The following UBL4B variants were observed in gnomAD, a reference collection of about 807,000 sequenced individuals.
The protein encoded by UBL4B is ubiquitin like 4B, also known as ubiquitin-like protein 4B.
For synonymous variants in UBL4B, 94 were observed against 92.8 expected (o/e 1.01, Z -0.08); for missense variants, 194 against 209.9 (o/e 0.92, Z 0.47).
In UBL4B at chr1:110,112,538, TTCC is replaced by T. The variant is rs753688331; in HGVS notation, c.7_9del (p.Leu3del). On this transcript the variant is annotated inframe_deletion, in exon 1 of 1. Transcript: ENST00000334179. ...CCTCCTGATTCCACTCAGCCCGATGTTCCTCACAGTCAAGCTGCTCCTGGGCCA... is the reference window on the plus strand; with the variant it reads ...CCTCCTGATTCCACTCAGCCCGATGTTCACAGTCAAGCTGCTCCTGGGCCA... 1.5e-5 allele frequency: 24 copies of T among 1,605,678 alleles called. No homozygotes were observed. The African/African-American group carries it at 2.5e-4, about 17-fold the overall frequency.
rs1180743198 is a variant in UBL4B at position 110,112,911 on chromosome 1, GCCTGGAGCA to G, written c.387_395del (p.His129_Glu131del). 2.5e-6 allele frequency: 4 copies of G among 1,612,198 alleles called. No individual in the cohort carries two copies. Among genetic ancestry groups the G allele is most frequent in the Non-Finnish European group, 2.5e-6 (3 of 1,179,516 alleles). On this transcript the variant is annotated inframe_deletion, in exon 1 of 1. Transcript: ENST00000334179. ...CACGAGGAGCGCCTGCAGAAGATAA[GCCTGGAGCA>G]CCTGGAGCAGCTGGCCCAGTACCTC...
At position 110,113,606 on chromosome 1, in the gene UBL4B, A is replaced by G. The variant is rs1654849354; in HGVS notation, c.*547A>G. 1 of 168,908 alleles carries G rather than the reference A, an allele frequency of 5.9e-6. No individual in the cohort carries two copies. Among genetic ancestry groups the G allele is most frequent in the African/African-American group, 2.4e-5 (1 of 41,468 alleles). 10.5% of individuals were successfully genotyped at this position (168,908 alleles called of 1,614,324 possible). On this transcript the variant is annotated 3_prime_UTR_variant, in exon 1 of 1. Transcript: ENST00000334179. ...TTCCAGCTTAAGGGACAGGCACAGCAGAGGTGAGAGTGGGAGGAGGGCACG... is the reference window on the plus strand; with the variant it reads ...TTCCAGCTTAAGGGACAGGCACAGCGGAGGTGAGAGTGGGAGGAGGGCACG...
At position 110,113,547 on chromosome 1, in the gene UBL4B, G is replaced by T. The variant is rs1411042429; in HGVS notation, c.*488G>T. 2 of 171,430 alleles carry T rather than the reference G, an allele frequency of 1.2e-5. No homozygotes were observed. Among genetic ancestry groups the T allele is most frequent in the East Asian group, 3.8e-4 (2 of 5,264 alleles). The allele number at this position is 171,430 out of a possible 1,614,324, so 10.6% of individuals were successfully genotyped here. On this transcript the variant is annotated 3_prime_UTR_variant, in exon 1 of 1. Transcript: ENST00000334179. ...TCAGGTAGCTGCCCCTTGCCTTCTG[G>T]GTGAGGCTGCCCCTGCTGTTCTCCT... is the stretch of plus-strand genomic sequence containing the variant.
chr1:110,112,507 T>C lies in UBL4B; in HGVS notation c.-28T>C. Reference sequence around the variant, plus strand: ...AATCTTCAGGGCAGCTCCCAGAGCATGGATCCCTCCTGATTCCACTCAGCC... The same window carrying C: ...AATCTTCAGGGCAGCTCCCAGAGCACGGATCCCTCCTGATTCCACTCAGCC... On this transcript the variant is annotated 5_prime_UTR_variant, in exon 1 of 1. It removes an upstream start codon present in the reference 5' UTR. Transcript: ENST00000334179. 3.8e-6 allele frequency: 6 copies of C among 1,576,422 alleles called. No individual in the cohort carries two copies. The highest frequency in any genetic ancestry group is 5.2e-6 in the Non-Finnish European group (6 of 1,160,674).
At position 110,113,065 on chromosome 1, in the gene UBL4B, C is replaced by A; in HGVS notation, c.*6C>A. On this transcript the variant is annotated 3_prime_UTR_variant, in exon 1 of 1. Coordinates refer to ENST00000334179, the MANE Select transcript of UBL4B (RefSeq NM_203412.2). ...AGGCAGCAGCTGATCAGTAAACGGG[C>A]CATCCTACCCATTTGCATGCTAAAA... 6.5e-7 allele frequency: 1 copy of A among 1,542,736 alleles called. No individual in the cohort carries two copies.
chr1:110,113,146 T>TAG lies in UBL4B; in HGVS notation c.*87_*88insAG. On this transcript the variant is annotated 3_prime_UTR_variant, in exon 1 of 1. Coordinates refer to ENST00000334179, the MANE Select transcript of UBL4B (RefSeq NM_203412.2). ...GGTGACTTTTCCTACTACTTCCTGC[T>TAG]GATGTGGATGCGTCCACACCCCTTT... 1 of 1,460,000 alleles carries TAG rather than the reference T, an allele frequency of 6.8e-7. No individual in the cohort carries two copies. Among genetic ancestry groups the TAG allele is most frequent in the East Asian group, 2.4e-5 (1 of 41,004 alleles). The allele number at this position is 1,460,000 out of a possible 1,614,324, so 90.4% of individuals were successfully genotyped here. A position where few individuals can be genotyped will look rare whatever the true frequency, so the allele number is the denominator to read the frequency against.
rs766531937 is a variant in UBL4B at position 110,113,074 on chromosome 1, C to A, written c.*15C>A. On this transcript the variant is annotated 3_prime_UTR_variant, in exon 1 of 1. Transcript: ENST00000334179. ...CTGATCAGTAAACGGGCCATCCTACCCATTTGCATGCTAAAATTCTCCCGG... is the reference window on the plus strand; with the variant it reads ...CTGATCAGTAAACGGGCCATCCTACACATTTGCATGCTAAAATTCTCCCGG... The A allele has an allele frequency of 1.3e-6, 2 of 1,535,120 alleles. No individual in the cohort carries two copies. Among genetic ancestry groups the A allele is most frequent in the East Asian group, 2.3e-5 (1 of 44,244 alleles).
In UBL4B at chr1:110,113,098, G is replaced by A. The variant is rs188311391; in HGVS notation, c.*39G>A. 2.3e-3 allele frequency: 3,500 copies of A among 1,517,942 alleles called. 14 individuals carry two copies. Among genetic ancestry groups the A allele is most frequent in the Middle Eastern group, 5.9e-3 (33 of 5,600 alleles). 94.0% of individuals were successfully genotyped at this position (1,517,942 alleles called of 1,614,324 possible). On this transcript the variant is annotated 3_prime_UTR_variant, in exon 1 of 1. Transcript: ENST00000334179. Reference sequence around the variant, plus strand: ...CCCATTTGCATGCTAAAATTCTCCCGGCCTCATCCTTACGTGTTCCCTGGT... The same window carrying A: ...CCCATTTGCATGCTAAAATTCTCCCAGCCTCATCCTTACGTGTTCCCTGGT...
At position 110,113,255 on chromosome 1, in the gene UBL4B, C is replaced by A; in HGVS notation, c.*196C>A. 1 of 753,832 alleles carries A rather than the reference C, an allele frequency of 1.3e-6. No individual in the cohort carries two copies. Among genetic ancestry groups the A allele is most frequent in the Non-Finnish European group, 2.1e-6 (1 of 475,832 alleles). The allele number at this position is 753,832 out of a possible 1,614,324, so 46.7% of individuals were successfully genotyped here. A position where few individuals can be genotyped will look rare whatever the true frequency, so the allele number is the denominator to read the frequency against. On this transcript the variant is annotated 3_prime_UTR_variant, in exon 1 of 1. Coordinates refer to ENST00000334179, the MANE Select transcript of UBL4B (RefSeq NM_203412.2). The stretch of plus-strand genomic sequence containing the variant: ...TCCTCCCTCTGAAATGCAGAGTGAA[C>A]CAACCCTCATCACCATGCTTCCCCT...
chr1:110,113,036 G>A lies in UBL4B; in HGVS notation c.502G>A (p.Glu168Lys). The A allele has an allele frequency of 6.3e-7, 1 of 1,587,212 alleles. No individual in the cohort carries two copies. Among genetic ancestry groups the A allele is most frequent in the Non-Finnish European group, 8.6e-7 (1 of 1,169,160 alleles). Residue 168 changes from glutamate (E) to lysine (K), a missense_variant, in exon 1 of 1, where the codon GAG becomes AAG. Physicochemically the swap from Glu to Lys is moderately conservative, Grantham distance 56. Coordinates refer to ENST00000334179, the MANE Select transcript of UBL4B (RefSeq NM_203412.2). ...PQSSCDMEEK[E>K]EAAADQ ...GAGCTCCTGTGACATGGAGGAGAAGGAGGAGGCAGCAGCTGATCAGTAAAC... is the reference window on the plus strand; with the variant it reads ...GAGCTCCTGTGACATGGAGGAGAAGAAGGAGGCAGCAGCTGATCAGTAAAC...
rs759511338 is a variant in UBL4B, at chr1:110,112,716, T to C, written c.182T>C (p.Ile61Thr). Residue 61 changes from isoleucine (I) to threonine (T), a missense_variant, in exon 1 of 1, where the codon ATT becomes ACT. Ile to Thr is a moderately conservative substitution (Grantham distance 89). Transcript: ENST00000334179. ...GACAAGCACCTCTCTGACTACTGCATTGGGCCCAATGCCTCTATCAATGTC... is the reference window on the plus strand; with the variant it reads ...GACAAGCACCTCTCTGACTACTGCACTGGGCCCAATGCCTCTATCAATGTC... ...EDDKHLSDYC[I>T]GPNASINVIM... 3.1e-6 allele frequency: 5 copies of C among 1,614,094 alleles called. No homozygotes were observed. Among genetic ancestry groups the C allele is most frequent in the South Asian group, 1.1e-5 (1 of 91,078 alleles).
In UBL4B at chr1:110,112,739, G is replaced by A; in HGVS notation, c.205G>A (p.Val69Ile). Reference protein sequence around the residue: ...YCIGPNASINVIMQPLEKMAL... With the variant: ...YCIGPNASINIIMQPLEKMAL... ...CATTGGGCCCAATGCCTCTATCAAT[G>A]TCATCATGCAGCCCTTGGAGAAGAT... is the stretch of plus-strand genomic sequence containing the variant. Residue 69 changes from valine (V) to isoleucine (I), a missense_variant, in exon 1 of 1, where the codon GTC becomes ATC. Val to Ile is a conservative substitution (Grantham distance 29). Transcript: ENST00000334179. The A allele has an allele frequency of 1.9e-6, 3 of 1,614,066 alleles. No individual in the cohort carries two copies. The highest frequency in any genetic ancestry group is 2.5e-6 in the Non-Finnish European group (3 of 1,180,044).
Position 110,112,678 on chromosome 1 carries a change from G to A in UBL4B, c.144G>A (p.Gln48=), listed in dbSNP as rs1654822737. 1 of 1,614,040 alleles carries A rather than the reference G, an allele frequency of 6.2e-7. No homozygotes were observed. The highest frequency in any genetic ancestry group is 1.1e-5 in the South Asian group (1 of 91,088). The change falls in exon 1 of 1, where the codon CAG becomes CAA. Residue 48 remains glutamine, a synonymous_variant. Coordinates refer to ENST00000334179, the MANE Select transcript of UBL4B (RefSeq NM_203412.2). Reference sequence around the variant, plus strand: ...AGCAGCACCTGCTTTTCCGTGGCCAGCTCCTGGAGGATGACAAGCACCTCT... The same window carrying A: ...AGCAGCACCTGCTTTTCCGTGGCCAACTCCTGGAGGATGACAAGCACCTCT... ...EEQQHLLFRG[Q]LLEDDKHLSD...
In UBL4B at chr1:110,113,310, C is replaced by T; in HGVS notation, c.*251C>T. 1 of 525,996 alleles carries T rather than the reference C, an allele frequency of 1.9e-6. No homozygotes were observed. Among genetic ancestry groups the T allele is most frequent in the Non-Finnish European group, 3.3e-6 (1 of 299,810 alleles). 32.6% of individuals were successfully genotyped at this position (525,996 alleles called of 1,614,324 possible). On this transcript the variant is annotated 3_prime_UTR_variant, in exon 1 of 1. Coordinates refer to ENST00000334179, the MANE Select transcript of UBL4B (RefSeq NM_203412.2). ...GGGTTCTGATCACCGGAGGGCAGCCCCAAAGGCCACAGTCCCCTCCTGTGC... is the reference window on the plus strand; with the variant it reads ...GGGTTCTGATCACCGGAGGGCAGCCTCAAAGGCCACAGTCCCCTCCTGTGC...
Position 110,112,946 on chromosome 1 carries a change from C to G in UBL4B, c.412C>G (p.Leu138Val). The G allele has an allele frequency of 6.2e-7, 1 of 1,608,274 alleles. No individual in the cohort carries two copies. Among genetic ancestry groups the G allele is most frequent in the Non-Finnish European group, 8.5e-7 (1 of 1,177,602 alleles). The change falls in exon 1 of 1, where the codon CTG (leucine) becomes GTG (valine). Residue 138 changes from leucine (L) to valine (V), a missense_variant. Leu to Val is a conservative substitution (Grantham distance 32). Transcript: ENST00000334179. ...CCTGGAGCAGCTGGCCCAGTACCTC[C>G]TGGCAGAGGAGCCTCACGTGGAGCC... ...EHLEQLAQYL[L>V]AEEPHVEPAG...
chr1:110,113,285 G>C lies in UBL4B; in HGVS notation c.*226G>C. The C allele has an allele frequency of 3.1e-6, 2 of 638,030 alleles. No individual in the cohort carries two copies. Among genetic ancestry groups the C allele is most frequent in the South Asian group, 4.8e-5 (2 of 41,886 alleles). The allele number at this position is 638,030 out of a possible 1,614,324, so 39.5% of individuals were successfully genotyped here. A position where few individuals can be genotyped will look rare whatever the true frequency, so the allele number is the denominator to read the frequency against. ...CCTCATCACCATGCTTCCCCTAGAA[G>C]GGTTCTGATCACCGGAGGGCAGCCC... On this transcript the variant is annotated 3_prime_UTR_variant, in exon 1 of 1. Coordinates refer to ENST00000334179, the MANE Select transcript of UBL4B (RefSeq NM_203412.2).
chr1:110,112,509 G>A lies in UBL4B; in HGVS notation c.-26G>A, dbSNP rs1654818363. 1.5e-5 allele frequency: 24 copies of A among 1,580,062 alleles called. No homozygotes were observed. The highest frequency in any genetic ancestry group is 2.1e-5 in the Non-Finnish European group (24 of 1,162,562). On this transcript the variant is annotated 5_prime_UTR_variant, in exon 1 of 1. Coordinates refer to ENST00000334179, the MANE Select transcript of UBL4B (RefSeq NM_203412.2). ...TCTTCAGGGCAGCTCCCAGAGCATG[G>A]ATCCCTCCTGATTCCACTCAGCCCG...
At position 110,113,182 on chromosome 1, in the gene UBL4B, C is replaced by T; in HGVS notation, c.*123C>T. 2.2e-6 allele frequency: 3 copies of T among 1,384,552 alleles called. No individual in the cohort carries two copies. The highest frequency in any genetic ancestry group is 2.9e-6 in the Non-Finnish European group (3 of 1,041,760). The allele number at this position is 1,384,552 out of a possible 1,614,324, so 85.8% of individuals were successfully genotyped here. On this transcript the variant is annotated 3_prime_UTR_variant, in exon 1 of 1. Transcript: ENST00000334179. ...CGTCCACACCCCTTTTTGAACCTTC[C>T]AAGCAGCTGGAGGGTTTTTGGATCC... is the stretch of plus-strand genomic sequence containing the variant.
In UBL4B at chr1:110,112,967, G is replaced by C; in HGVS notation, c.433G>C (p.Glu145Gln). The C allele has an allele frequency of 6.2e-7, 1 of 1,606,736 alleles. No individual in the cohort carries two copies. Among genetic ancestry groups the C allele is most frequent in the Non-Finnish European group, 8.5e-7 (1 of 1,176,844 alleles). The change falls in exon 1 of 1, where the codon GAG (glutamate) becomes CAG (glutamine). Residue 145 changes from glutamate (E) to glutamine (Q), a missense_variant. Transcript: ENST00000334179. ...QYLLAEEPHV[E>Q]PAGERELEAK... Reference sequence around the variant, plus strand: ...CCTCCTGGCAGAGGAGCCTCACGTGGAGCCAGCTGGAGAGAGGGAGCTTGA... The same window carrying C: ...CCTCCTGGCAGAGGAGCCTCACGTGCAGCCAGCTGGAGAGAGGGAGCTTGA...
Sources: allele counts gnomAD v4.1 joint callset, GRCh38; gene constraint gnomAD v4.1.1; transcripts MANE v1.5; gene names NCBI Gene and HGNC (gene_info 2026-07-23, HGNC 2026-07-21).